The following F5 variants were observed in gnomAD, a reference collection of about 807,000 sequenced individuals.
F5 encodes activated protein c cofactor.
A neutral mutation model predicts 216.4 loss-of-function variants in F5; 138 were observed. The ratio of observed to expected loss-of-function variants is 0.64; its 90% CI spans 0.56 to 0.73. The LOEUF is 0.73. Among genes scored for constraint, F5 ranks in the 30% least tolerant of loss-of-function variants. The probability of loss-of-function intolerance (pLI) is 0.00; values close to 1 mark genes in which losing one functional copy is unlikely to be tolerated. For synonymous variants in F5, 916 were observed against 930.7 expected (o/e 0.98, Z 0.29); for missense variants, 2,403 against 2,674.0 (o/e 0.90, Z 2.24).
chr1:169,533,391 A>C (rs764424789), intron 14 of F5, among the ~76,000 whole-genome samples: 2 of 152,210 alleles, frequency 1.3e-5, no homozygotes, highest in Non-Finnish European at 2.9e-5. Flanking sequence ...GCATTTCAAC[A>C]AAAGCAAAAA....
chr1:169,572,817 C>A (rs1489907297), intron 2 of F5, among the ~76,000 whole-genome samples: 1 of 151,988 alleles, frequency 6.6e-6, no homozygotes, highest in African/African-American at 2.4e-5. Context: ...ATCTAAGGAA[C>A]AGTAAGAAAA....
intron 10 of F5, among the ~76,000 whole-genome samples, chr1:169,547,215 G>A (rs980279312): frequency 1.3e-5 from 2 of 151,854 alleles, no homozygotes; most frequent in Non-Finnish European, 1.5e-5. Flanking sequence ...ACACTTAAAC[G>A]TAAAACCCCA....
chr1:169,576,467 TA>T (rs769253464), intron 2 of F5, among the ~76,000 whole-genome samples: 3 of 152,058 alleles, frequency 2.0e-5, no homozygotes, highest in South Asian at 4.1e-4. Context: ...GCCTGGGAGG[TA>T]GGAATCGGGG....
rs925428082 is a variant in F5 at position 169,546,979 on chromosome 1, AAAAAGAAAAG to A, written c.1612-397_1612-388del. Among the ~76,000 whole-genome samples, 60 of 77,866 alleles carry A rather than the reference AAAAAGAAAAG, an allele frequency of 7.7e-4. 1 individual carries two copies. In the East Asian group the frequency reaches 0.022, roughly 28 times the overall value. The allele number at this position is 77,866 out of a possible 152,430, so 51.1% of individuals were successfully genotyped here. ...ACCCGTCTCTACTAAAAAAAAAAAA[AAAAAGAAAAG>A]AAAAGAAAAGAAAAGAAAATTAGCC... is the stretch of plus-strand genomic sequence containing the variant. On this transcript the variant is annotated intron_variant, in intron 10 of 24. Transcript: ENST00000367797.
Position 169,544,485 on chromosome 1 carries a change from T to C in F5, c.1786A>G (p.Ser596Gly). Residue 596 changes from serine to glycine, a missense_variant, in exon 12 of 25, where the codon AGC becomes GGC. Physicochemically the swap from Ser to Gly is moderately conservative, Grantham distance 56. Transcript: ENST00000367797. The stretch of plus-strand genomic sequence containing the variant: ...AAGCAGAATCCAAGAGTAGTTATGC[T>C]CTCAGGCACATAGCCATTGATAGCT... ...MSTINGYVPE[S>G]ITTLGFCFDD... is the part of the protein sequence containing the mutation. 6.2e-7 allele frequency: 1 copy of C among 1,614,048 alleles called. No homozygotes were observed. Among genetic ancestry groups the C allele is most frequent in the East Asian group, 2.2e-5 (1 of 44,872 alleles).
At chr1:169,544,619 G>C in intron 11 of F5, 111 bp from the exon 12 acceptor site, 1 of 874,818 alleles carries the variant, frequency 1.1e-6, no homozygotes, top group Non-Finnish European at 1.8e-6. Flanking sequence ...TCAAAGCAGT[G>C]ATTATCCAAG....
At chr1:169,566,372 CTT>C (rs1170401208) in intron 3 of F5, among the ~76,000 whole-genome samples, 1 of 152,024 alleles carries the variant, frequency 6.6e-6, no homozygotes, top group African/African-American at 2.4e-5. Context: ...TAGGAGATAA[CTT>C]TTGAAGTTCT....
chr1:169,557,713 C>T (rs1294493233), intron 5 of F5, among the ~76,000 whole-genome samples: 3 of 151,648 alleles, frequency 2.0e-5, no homozygotes, highest in Non-Finnish European at 4.4e-5. Context: ...GATAATGGGC[C>T]TGAGAATCAG....
chr1:169,545,897 T>A (rs1308887143), intron 11 of F5, among the ~76,000 whole-genome samples: 1 of 152,216 alleles, frequency 6.6e-6, no homozygotes, highest in Non-Finnish European at 1.5e-5. Context: ...ACTTTAGAAC[T>A]GCAGCAAATG....
intron 4 of F5, 62 bp from the exon 5 acceptor site, chr1:169,559,358 T>C: frequency 6.4e-7 from 1 of 1,568,580 alleles, no homozygotes; most frequent in Non-Finnish European, 8.8e-7. Context: ...TTAGCTTTCC[T>C]GGATAGCAAA....
intron 2 of F5, among the ~76,000 whole-genome samples, chr1:169,579,527 G>A (rs1660941758): frequency 6.6e-6 from 1 of 152,064 alleles, no homozygotes; most frequent in Non-Finnish European, 1.5e-5. Flanking sequence ...ACATCTCTAG[G>A]TAGATATTCT....
Position 169,540,534 on chromosome 1 carries a change from C to A in F5, c.4556G>T (p.Gly1519Val). 3 of 1,613,902 alleles carry A rather than the reference C, an allele frequency of 1.9e-6. No homozygotes were observed. The highest frequency in any genetic ancestry group is 2.5e-6 in the Non-Finnish European group (3 of 1,179,940). ...PLVIVGLSKDGTDYIEIIPKE... is the reference protein window; with the variant it reads ...PLVIVGLSKDVTDYIEIIPKE... ...TGGAATGATCTCAATGTAATCTGTA[C>A]CATCTTTACTGAGGCCCACTATAAC... The change falls in exon 13 of 25, where the codon GGT (glycine) becomes GTT (valine). Residue 1519 changes from glycine to valine, a missense_variant. By Grantham distance (109) the Gly-to-Val change is moderately radical. Around this residue, in one of 4 missense-constraint regions of F5, gnomAD observed 293 missense variants for 270.8 expected, o/e 1.08. Transcript: ENST00000367797.
Position 169,541,608 on chromosome 1 carries a change from C to A in F5, c.3482G>T (p.Arg1161Leu). The change falls in exon 13 of 25, where the codon CGA (arginine) becomes CTA (leucine). Residue 1161 changes from arginine to leucine, a missense_variant. Coordinates refer to ENST00000367797, the MANE Select transcript of F5 (RefSeq NM_000130.5). ...PELSEMLEYD[R>L]SHKSFPTDIS... ...ATCTGTGGGGAAGGACTTGTGACTT[C>A]GGTCATACTCAAGCATTTCACTGAG... 1 of 1,614,102 alleles carries A rather than the reference C, an allele frequency of 6.2e-7. No individual in the cohort carries two copies. The highest frequency in any genetic ancestry group is 8.5e-7 in the Non-Finnish European group (1 of 1,179,996).
intron 14 of F5, 91 bp from the exon 15 acceptor site, chr1:169,531,113 A>G: frequency 1.1e-6 from 1 of 911,286 alleles, no homozygotes; most frequent in South Asian, 1.3e-5. Context: ...ATGGCTGGTT[A>G]TAAAATCGGA....
chr1:169,529,049 A>G (rs1659529321), intron 16 of F5, among the ~76,000 whole-genome samples: 1 of 152,178 alleles, frequency 6.6e-6, no homozygotes, highest in South Asian at 2.1e-4. Context: ...GTGAATTTCC[A>G]AATAGGCACA....
chr1:169,581,352 G>T (rs6703462), intron 2 of F5, among the ~76,000 whole-genome samples: 15,650 of 152,028 alleles, frequency 0.1, 1,016 homozygotes, highest in African/African-American at 0.17. Flanking sequence ...GAATATAGGC[G>T]AAGAAATGTA....
Position 169,527,968 on chromosome 1 carries a change from A to G in F5, c.5546T>C (p.Leu1849Ser). 12 of 1,613,820 alleles carry G rather than the reference A, an allele frequency of 7.4e-6. No homozygotes were observed. The highest frequency in any genetic ancestry group is 1.0e-5 in the Non-Finnish European group (12 of 1,179,826). The change falls in exon 17 of 25, where the codon TTG (leucine) becomes TCG (serine). Residue 1849 changes from leucine to serine, a missense_variant. Physicochemically the swap from Leu to Ser is moderately radical, Grantham distance 145. Coordinates refer to ENST00000367797, the MANE Select transcript of F5 (RefSeq NM_000130.5). The part of the protein sequence containing the change: ...IHVVHFHGQT[L>S]LENGNKQHQL... ...GTGCTGTTTATTGCCATTTTCCAGCAAGGTCTGGCCGTGAAAGTGAACCAC... is the reference window on the plus strand; with the variant it reads ...GTGCTGTTTATTGCCATTTTCCAGCGAGGTCTGGCCGTGAAAGTGAACCAC...
intron 5 of F5, 23 bp downstream of exon 5, chr1:169,559,130 A>G (rs757332990): frequency 1.2e-6 from 2 of 1,613,426 alleles, no homozygotes; most frequent in South Asian, 2.2e-5. Context: ...CTGTTGTTTA[A>G]TGGTACACAG....
chr1:169,575,119 T>C (rs1368182323), intron 2 of F5, among the ~76,000 whole-genome samples: 2 of 152,216 alleles, frequency 1.3e-5, no homozygotes, highest in African/African-American at 4.8e-5. Context: ...CAGTGGAATC[T>C]AGTCCAATTG....
Sources: allele counts gnomAD v4.1 joint callset (sites outside exome capture counted in the v4.1 genomes callset), GRCh38; gene constraint gnomAD v4.1.1; regional missense constraint gnomAD v4.1.1; transcripts MANE v1.5; gene names NCBI Gene and HGNC (gene_info 2026-07-23, HGNC 2026-07-21).